PRKCB: variants seen among roughly 807,000 people sequenced by gnomAD.
PRKCB encodes protein kinase C beta.
In PRKCB, 13 loss-of-function variants were observed where a neutral mutation model predicts 81.5. The observed-to-expected ratio is 0.16, with a 90% CI of 0.10 to 0.25. The LOEUF (loss-of-function observed/expected upper bound fraction) is 0.25. Ranked by LOEUF, PRKCB falls within the 10% of genes least tolerant of loss-of-function variation. PRKCB has a pLI of 1.00. For synonymous variants in PRKCB, 335 were observed against 321.4 expected, an observed-to-expected ratio of 1.04 and a Z score of -0.45; for missense variants, 509 against 875.7, an observed-to-expected ratio of 0.58 and a Z score of 5.29.
At chr16:24,052,837 G>A (rs1406310498) in intron 5 of PRKCB, among the ~76,000 whole-genome samples, 2 of 152,134 alleles carry the variant, frequency 1.3e-5, no homozygotes, top group African/African-American at 2.4e-5. Flanking sequence ...TTGTGCTGAC[G>A]TCCTGTCTCA....
At chr16:23,852,084 C>G (rs776234731) in intron 2 of PRKCB, among the ~76,000 whole-genome samples, 1 of 152,116 alleles carries the variant, frequency 6.6e-6, no homozygotes, top group Non-Finnish European at 1.5e-5. Context: ...TTCACTTCTT[C>G]CCTTCCTATT....
intron 5 of PRKCB, among the ~76,000 whole-genome samples, chr16:24,086,410 A>G (rs1429389820): frequency 2.0e-5 from 3 of 152,088 alleles, no homozygotes; most frequent in African/African-American, 4.8e-5. Flanking sequence ...TCTCCCTCCA[A>G]CCCTGGTTAG....
chr16:23,972,855 C>T (rs1041351517), intron 2 of PRKCB, among the ~76,000 whole-genome samples: 1 of 152,132 alleles, frequency 6.6e-6, no homozygotes, highest in African/African-American at 2.4e-5. Context: ...CATATGGCTC[C>T]TCTGATTTAA....
At chr16:23,905,625 C>T (rs1207013766) in intron 2 of PRKCB, among the ~76,000 whole-genome samples, 1 of 152,184 alleles carries the variant, frequency 6.6e-6, no homozygotes, top group African/African-American at 2.4e-5. Flanking sequence ...AGAGAGTCTC[C>T]TAGAACCAGT....
intron 10 of PRKCB, among the ~76,000 whole-genome samples, chr16:24,160,703 A>G (rs1967240923): frequency 6.6e-6 from 1 of 152,232 alleles, no homozygotes; most frequent in Non-Finnish European, 1.5e-5. Flanking sequence ...ATAATAAACT[A>G]TAATAATGAC....
chr16:23,990,442 A>AT (rs1490895351), intron 3 of PRKCB, among the ~76,000 whole-genome samples: 2 of 149,820 alleles, frequency 1.3e-5, no homozygotes, highest in Admixed American at 6.7e-5. Context: ...TGGGCGACAG[A>AT]GTGAGACTCT....
At position 24,180,814 on chromosome 16, in the gene PRKCB, G is replaced by T. The variant is rs1967608743; in HGVS notation, c.1419G>T (p.Met473Ile). 1 of 1,614,034 alleles carries T rather than the reference G, an allele frequency of 6.2e-7. No individual in the cohort carries two copies. Among genetic ancestry groups the T allele is most frequent in the Admixed American group, 1.7e-5 (1 of 59,996 alleles). Reference protein sequence around the residue: ...IYRDLKLDNVMLDSEGHIKIA... With the variant: ...IYRDLKLDNVILDSEGHIKIA... ...GTGACCTAAAACTTGACAACGTGAT[G>T]CTCGATTCTGAGGGACACATCAAGA... Residue 473 changes from methionine to isoleucine, a missense_variant, in exon 13 of 17, where the codon ATG (methionine) becomes ATT (isoleucine). Physicochemically the swap from Met to Ile is conservative, Grantham distance 10. Coordinates refer to ENST00000643927, the MANE Select transcript of PRKCB (RefSeq NM_002738.7).
intron 2 of PRKCB, among the ~76,000 whole-genome samples, chr16:23,838,786 G>A (rs1597202893): frequency 6.6e-6 from 1 of 152,168 alleles, no homozygotes; most frequent in Non-Finnish European, 1.5e-5. Flanking sequence ...TTCTGAGATC[G>A]GGGTCCCGGT....
At chr16:24,035,682 G>C (rs28710126) in intron 5 of PRKCB, 135 bp downstream of exon 5, 11 of 1,023,696 alleles carry the variant, frequency 1.1e-5, no homozygotes, top group Admixed American at 1.0e-4. Flanking sequence ...GTGTGGCACT[G>C]CTTCTGCCCC....
At chr16:23,947,825 C>T (rs774845806) in intron 2 of PRKCB, among the ~76,000 whole-genome samples, 1 of 150,940 alleles carries the variant, frequency 6.6e-6, no homozygotes, top group Non-Finnish European at 1.5e-5. Context: ...GAGCCAGGCA[C>T]TGTGCCAAGA....
At chr16:24,016,657 G>A (rs372267401) in intron 3 of PRKCB, among the ~76,000 whole-genome samples, 1 of 152,052 alleles carries the variant, frequency 6.6e-6, no homozygotes, top group African/African-American at 2.4e-5. Flanking sequence ...AAATACTTAG[G>A]CCCCAACTAA....
intron 9 of PRKCB, chr16:24,151,657 G>T (rs898172298): frequency 2.6e-6 from 1 of 386,654 alleles, no homozygotes; most frequent in Admixed American, 2.9e-5. Context: ...GAGCATGGAA[G>T]GACGTCATAG....
At chr16:23,932,127 G>A (rs192365424) in intron 2 of PRKCB, among the ~76,000 whole-genome samples, 2 of 152,232 alleles carry the variant, frequency 1.3e-5, no homozygotes. Context: ...GAAACCAATG[G>A]CATGGAAGTG....
At chr16:23,848,551 C>A (rs527751142) in intron 2 of PRKCB, among the ~76,000 whole-genome samples, 18 of 152,156 alleles carry the variant, frequency 1.2e-4, no homozygotes, top group East Asian at 1.9e-4. Flanking sequence ...TATCCTTAGA[C>A]GCGGAGGGCC....
chr16:24,183,950 A>G (rs936014538), intron 13 of PRKCB, among the ~76,000 whole-genome samples: 2 of 152,326 alleles, frequency 1.3e-5, no homozygotes, highest in Admixed American at 6.5e-5. Context: ...CATATATACC[A>G]TATGATACAC....
chr16:24,058,722 T>C (rs986319380), intron 5 of PRKCB, among the ~76,000 whole-genome samples: 3 of 152,208 alleles, frequency 2.0e-5, no homozygotes, highest in Non-Finnish European at 4.4e-5. Context: ...ATTGTAGCTA[T>C]GAAGTCTGAT....
At chr16:23,979,840 A>G (rs1272415326) in intron 2 of PRKCB, among the ~76,000 whole-genome samples, 1 of 152,178 alleles carries the variant, frequency 6.6e-6, no homozygotes, top group Non-Finnish European at 1.5e-5. Context: ...TGTTAATATA[A>G]CGAGGACCGA....
chr16:23,841,028 T>A (rs1243499316), intron 2 of PRKCB, among the ~76,000 whole-genome samples: 1 of 152,176 alleles, frequency 6.6e-6, no homozygotes, highest in Non-Finnish European at 1.5e-5. Flanking sequence ...TGGAACTCCT[T>A]TGACAAGCAA....
chr16:24,038,951 C>A (rs1285099736), intron 5 of PRKCB, among the ~76,000 whole-genome samples: 4 of 152,134 alleles, frequency 2.6e-5, no homozygotes, highest in African/African-American at 9.7e-5. Context: ...TAAAGCCTCA[C>A]CCCCAGTGTG....
Sources: gnomAD v4.1 joint callset for allele counts (sites outside exome capture counted in the v4.1 genomes callset) on GRCh38, gnomAD v4.1.1 for gene constraint, MANE v1.5 for transcripts, NCBI Gene and HGNC (gene_info 2026-07-23, HGNC 2026-07-21) for gene names.